FHIT: variants seen among roughly 807,000 people sequenced by gnomAD.
The protein encoded by FHIT is fragile histidine triad diadenosine triphosphatase.
A neutral mutation model predicts 17.9 loss-of-function variants in FHIT; 19 were observed. The observed-to-expected ratio is 1.06, with a 90% CI of 0.74 to 1.56. The LOEUF is 1.56. Ranked by LOEUF, FHIT falls within the 40% of genes most tolerant of loss-of-function variation. The probability of loss-of-function intolerance (pLI) is 0.00; values close to 1 mark genes in which losing one functional copy is unlikely to be tolerated. For missense variants in FHIT, 248 were observed against 189.2 expected, an observed-to-expected ratio of 1.31 and a Z score of -1.82; for synonymous variants, 81 against 69.7, an observed-to-expected ratio of 1.16 and a Z score of -0.81.
chr3:60,877,225 G>A (rs782420362), intron 3 of FHIT, among the ~76,000 whole-genome samples: 2 of 152,118 alleles, frequency 1.3e-5, no homozygotes, highest in Admixed American at 6.5e-5. Context: ...TTTCTCTGAG[G>A]GTGAGCAGGC....
intron 1 of FHIT, among the ~76,000 whole-genome samples, chr3:61,213,734 A>T (rs999191358): frequency 6.6e-6 from 1 of 152,192 alleles, no homozygotes; most frequent in Non-Finnish European, 1.5e-5. Context: ...CACCTATTCC[A>T]AAATTGACCA....
intron 5 of FHIT, among the ~76,000 whole-genome samples, chr3:60,158,357 T>C (rs1000322226): frequency 3.3e-5 from 5 of 151,932 alleles, no homozygotes; most frequent in Admixed American, 2.0e-4. Context: ...CTCTGCCCAG[T>C]CTGGAGTGCA....
chr3:60,757,820 T>C (rs1281911830), intron 4 of FHIT, among the ~76,000 whole-genome samples: 2 of 152,148 alleles, frequency 1.3e-5, no homozygotes, highest in African/African-American at 4.8e-5. Flanking sequence ...TTATTTTGGC[T>C]GCCATGTGAA....
chr3:60,079,329 G>A (rs964874005), intron 5 of FHIT, among the ~76,000 whole-genome samples: 2 of 152,152 alleles, frequency 1.3e-5, no homozygotes, highest in South Asian at 2.1e-4. Context: ...TTTCTAAAAT[G>A]TGTTTCTACA....
intron 4 of FHIT, among the ~76,000 whole-genome samples, chr3:60,723,967 T>C (rs781828514): frequency 2.0e-5 from 3 of 152,248 alleles, no homozygotes; most frequent in African/African-American, 7.2e-5. Context: ...CATCTCTTTT[T>C]TGTTTTTATA....
At chr3:60,106,069 C>A (rs1055687596) in intron 5 of FHIT, among the ~76,000 whole-genome samples, 1 of 152,154 alleles carries the variant, frequency 6.6e-6, no homozygotes, top group African/African-American at 2.4e-5. Flanking sequence ...TCTTCTGGAG[C>A]GGGAATCTTT....
intron 5 of FHIT, among the ~76,000 whole-genome samples, chr3:60,231,647 C>T (rs1257760600): frequency 6.6e-6 from 1 of 152,182 alleles, no homozygotes; most frequent in Non-Finnish European, 1.5e-5. Flanking sequence ...TTATTGAGCA[C>T]ATATTATGTG....
At chr3:60,310,475 T>A (rs1282066035) in intron 5 of FHIT, among the ~76,000 whole-genome samples, 1 of 151,956 alleles carries the variant, frequency 6.6e-6, no homozygotes, top group Non-Finnish European at 1.5e-5. Context: ...AATGATAAAT[T>A]TCCCCCACCC....
At chr3:60,197,927 T>A (rs1040501986) in intron 5 of FHIT, among the ~76,000 whole-genome samples, 1 of 152,142 alleles carries the variant, frequency 6.6e-6, no homozygotes, top group Non-Finnish European at 1.5e-5. Context: ...TGGAGGAAGA[T>A]TCTTACTGCA....
At chr3:59,998,869 C>T (rs1000122534) in intron 7 of FHIT, among the ~76,000 whole-genome samples, 27 of 152,116 alleles carry the variant, frequency 1.8e-4, no homozygotes, top group African/African-American at 5.8e-4. Context: ...AATAGTTATT[C>T]GCAATTAGAC....
chr3:61,033,703 C>T (rs143190508), intron 3 of FHIT, among the ~76,000 whole-genome samples: 2 of 152,164 alleles, frequency 1.3e-5, no homozygotes, highest in Non-Finnish European at 2.9e-5. Context: ...TCTTACTCTA[C>T]CTTCCACTTT....
At chr3:61,047,632 T>C (rs1432005637) in intron 2 of FHIT, among the ~76,000 whole-genome samples, 1 of 152,164 alleles carries the variant, frequency 6.6e-6, no homozygotes, top group African/African-American at 2.4e-5. Context: ...AAAAAACTAC[T>C]TTAAAGTTCA....
intron 8 of FHIT, among the ~76,000 whole-genome samples, chr3:59,869,529 T>TGGAGTGCA (rs1172240720): frequency 7.1e-6 from 1 of 140,136 alleles, no homozygotes; most frequent in African/African-American, 2.7e-5. Flanking sequence ...TCGCCCAGGC[T>TGGAGTGCA]GGAGTGCAGT....
intron 2 of FHIT, among the ~76,000 whole-genome samples, chr3:61,099,434 A>G (rs145637861): frequency 6.6e-6 from 1 of 152,266 alleles, no homozygotes; most frequent in African/African-American, 2.4e-5. Context: ...GGCCTCATAG[A>G]ATGAGTTAGG....
intron 2 of FHIT, among the ~76,000 whole-genome samples, chr3:61,091,800 C>A (rs917380354): frequency 6.6e-6 from 1 of 151,448 alleles, no homozygotes; most frequent in South Asian, 2.1e-4. Context: ...TTTAGCTGGG[C>A]GTAGTGGCAC....
intron 4 of FHIT, among the ~76,000 whole-genome samples, chr3:60,701,099 T>A (rs1443681575): frequency 5.9e-5 from 9 of 151,912 alleles, no homozygotes; most frequent in Admixed American, 5.9e-4. Context: ...TAAACATACA[T>A]TTCCCAACTG....
At chr3:60,329,094 C>T (rs2106843060) in intron 5 of FHIT, among the ~76,000 whole-genome samples, 1 of 152,294 alleles carries the variant, frequency 6.6e-6, no homozygotes, top group South Asian at 2.1e-4. Context: ...AGTTAACTGC[C>T]ATCTCAAGGA....
chr3:61,079,956 T>C (rs1478135202), intron 2 of FHIT, among the ~76,000 whole-genome samples: 12 of 152,216 alleles, frequency 7.9e-5, no homozygotes, highest in Non-Finnish European at 1.8e-4. Flanking sequence ...ACATGTCCTA[T>C]ATATCAATAA....
At chr3:60,010,676 T>A (rs777032818) in intron 7 of FHIT, among the ~76,000 whole-genome samples, 1 of 152,200 alleles carries the variant, frequency 6.6e-6, no homozygotes, top group Non-Finnish European at 1.5e-5. Context: ...AGCATTTGTA[T>A]GAAAAGAGCT....
Sources: gnomAD v4.1 joint callset for allele counts (sites outside exome capture counted in the v4.1 genomes callset) on GRCh38, gnomAD v4.1.1 for gene constraint, MANE v1.5 for transcripts, NCBI Gene and HGNC (gene_info 2026-07-23, HGNC 2026-07-21) for gene names.